The following VPS13B variants were observed in gnomAD, a reference collection of about 807,000 sequenced individuals.
VPS13B encodes vacuolar protein sorting 13 homolog B, also known as intermembrane lipid transfer protein VPS13B.
In VPS13B, 285 loss-of-function variants were observed where a neutral mutation model predicts 426.4. The ratio of observed to expected loss-of-function variants is 0.67; its 90% CI spans 0.61 to 0.74. VPS13B has a LOEUF of 0.74. Ranked by LOEUF, VPS13B falls within the 30% of genes least tolerant of loss-of-function variation. VPS13B has a pLI of 0.00. For missense variants in VPS13B, 4,537 were observed against 4,782.6 expected, an observed-to-expected ratio of 0.95 and a Z score of 1.51; for synonymous variants, 1,676 against 1,676.4, an observed-to-expected ratio of 1.00 and a Z score of 0.01.
chr8:99,689,640 G>T lies in VPS13B; in HGVS notation c.6047-9885G>T, dbSNP rs1057462373. ...TGAGGCCAACCTGGGCAACATAATG[G>T]GATCCAATCTATTGAAAAAAGAGAA... On this transcript the variant is annotated intron_variant, in intron 35 of 61. Transcript: ENST00000357162. 7.2e-5 allele frequency among the ~76,000 whole-genome samples: 11 copies of T among 152,262 alleles called. No individual in the cohort carries two copies. The South Asian group carries it at 2.3e-3, about 32-fold the overall frequency.
intron 36 of VPS13B, among the ~76,000 whole-genome samples, chr8:99,700,959 A>T (rs539026619): frequency 4.0e-4 from 61 of 152,308 alleles, no homozygotes; most frequent in African/African-American, 1.4e-3. Flanking sequence ...AAATCCTTAT[A>T]TGCAACTTAG....
chr8:99,748,215 C>A (rs1174670868), intron 39 of VPS13B, among the ~76,000 whole-genome samples: 1 of 151,964 alleles, frequency 6.6e-6, no homozygotes, highest in African/African-American at 2.4e-5. Flanking sequence ...ATTCTTTCTA[C>A]CTGATGATCC....
chr8:99,600,176 T>G (rs1018468222), intron 33 of VPS13B, among the ~76,000 whole-genome samples: 4 of 152,136 alleles, frequency 2.6e-5, no homozygotes, highest in South Asian at 2.1e-4. Context: ...TGTGAGACAG[T>G]AGTCTAAGTG....
intron 21 of VPS13B, among the ~76,000 whole-genome samples, chr8:99,404,258 A>G (rs1815209348): frequency 6.6e-6 from 1 of 152,206 alleles, no homozygotes; most frequent in Non-Finnish European, 1.5e-5. Context: ...AATAAGTGTA[A>G]GTTATTCTAG....
At chr8:99,692,771 G>C (rs200195184) in intron 35 of VPS13B, among the ~76,000 whole-genome samples, 2 of 147,350 alleles carry the variant, frequency 1.4e-5, no homozygotes, top group South Asian at 2.1e-4. Context: ...TTTTTTGAAA[G>C]GATCAACAAA....
intron 15 of VPS13B, among the ~76,000 whole-genome samples, chr8:99,163,651 C>G (rs976299821): frequency 6.6e-6 from 1 of 152,218 alleles, no homozygotes; most frequent in African/African-American, 2.4e-5. Context: ...GGTGCTAAGT[C>G]CCTCATTGCC....
intron 33 of VPS13B, among the ~76,000 whole-genome samples, chr8:99,580,422 G>T (rs1825993315): frequency 6.6e-6 from 1 of 150,826 alleles, no homozygotes; most frequent in African/African-American, 2.4e-5. Context: ...TGAACTCCTG[G>T]CCTCAAGGGA....
At chr8:99,756,157 ATAATGTT>A (rs1316334430) in intron 39 of VPS13B, among the ~76,000 whole-genome samples, 1 of 152,240 alleles carries the variant, frequency 6.6e-6, no homozygotes, top group Non-Finnish European at 1.5e-5. Context: ...GATTGAAACA[ATAATGTT>A]TAAAAACAAG....
At chr8:99,317,719 A>T (rs994209542) in intron 19 of VPS13B, among the ~76,000 whole-genome samples, 70 of 152,222 alleles carry the variant, frequency 4.6e-4, no homozygotes, top group African/African-American at 1.6e-3. Context: ...ATAATAATAA[A>T]AAAGGCCTAG....
At chr8:99,180,633 C>A (rs1335600682) in intron 16 of VPS13B, among the ~76,000 whole-genome samples, 2 of 152,018 alleles carry the variant, frequency 1.3e-5, no homozygotes, top group Non-Finnish European at 2.9e-5. Context: ...TCAATGGCAG[C>A]CATACAAAGA....
At chr8:99,751,915 G>A (rs929579359) in intron 39 of VPS13B, among the ~76,000 whole-genome samples, 1 of 152,210 alleles carries the variant, frequency 6.6e-6, no homozygotes, top group Non-Finnish European at 1.5e-5. Context: ...TGCACACACA[G>A]GGAGTTGTAT....
intron 5 of VPS13B, among the ~76,000 whole-genome samples, chr8:99,107,407 C>A (rs1847106069): frequency 6.6e-6 from 1 of 151,984 alleles, no homozygotes; most frequent in South Asian, 2.1e-4. Flanking sequence ...CAATTAACAC[C>A]AAATCAGATT....
chr8:99,817,238 A>G (rs1371531009), intron 44 of VPS13B, among the ~76,000 whole-genome samples: 1 of 151,674 alleles, frequency 6.6e-6, no homozygotes, highest in East Asian at 1.9e-4. Flanking sequence ...GCATGTTTGC[A>G]AGGCTCTTCT....
intron 54 of VPS13B, among the ~76,000 whole-genome samples, chr8:99,836,712 G>GGTTACAAACCATATATTAAA (rs1815410540): frequency 6.6e-6 from 1 of 152,118 alleles, no homozygotes; most frequent in Non-Finnish European, 1.5e-5. Flanking sequence ...CTACTGTAAT[G>GGTTACAAACCATATATTAAA]GTTACAAACC....
rs1211028912 is a variant in VPS13B, at chr8:99,014,110, C to CTTTTTTTTTTTTTTTTTTT, written c.147+182_147+200dup. On this transcript the variant is annotated intron_variant, in intron 2 of 61. Coordinates refer to ENST00000357162, the MANE Select transcript of VPS13B (RefSeq NM_152564.5). ...TACACTATTTTCTTTTTCTTTCTTT[C>CTTTTTTTTTTTTTTTTTTT]TTTTTTTTTTTTTTTTTTTTTTTTT... is the stretch of plus-strand genomic sequence containing the variant. Among the ~76,000 whole-genome samples, 58 of 72,308 alleles carry CTTTTTTTTTTTTTTTTTTT rather than the reference C, an allele frequency of 8.0e-4. 6 individuals are homozygous for CTTTTTTTTTTTTTTTTTTT. The highest frequency in any genetic ancestry group is 3.1e-3 in the East Asian group (6 of 1,920). The allele number at this position is 72,308 out of a possible 152,430, so 47.4% of individuals were successfully genotyped here.
chr8:99,256,600 A>G (rs780761679), intron 17 of VPS13B, among the ~76,000 whole-genome samples: 7 of 152,098 alleles, frequency 4.6e-5, no homozygotes, highest in South Asian at 2.1e-4. Context: ...ATGGGTATGA[A>G]GTAGTATCTC....
chr8:99,452,712 C>T (rs1474836031), intron 23 of VPS13B, among the ~76,000 whole-genome samples: 1 of 152,136 alleles, frequency 6.6e-6, no homozygotes, highest in African/African-American at 2.4e-5. Flanking sequence ...ACAAAAAGTT[C>T]TCTGTAGATT....
At chr8:99,698,509 C>A (rs1423044643) in intron 35 of VPS13B, among the ~76,000 whole-genome samples, 2 of 152,208 alleles carry the variant, frequency 1.3e-5, no homozygotes, top group East Asian at 3.8e-4. Flanking sequence ...ATAGATCTCT[C>A]TTCCTGCACA....
In VPS13B at chr8:99,341,888, C is replaced by A. The variant is rs552233293; in HGVS notation, c.2825-42320C>A. The A allele has an allele frequency of 3.0e-5, 5 of 165,788 alleles. No individual in the cohort carries two copies. In the South Asian group the frequency reaches 7.7e-4, roughly 26 times the overall value. 10.3% of individuals were successfully genotyped at this position (165,788 alleles called of 1,614,324 possible). ...TCCTCCACTAGCTGCAAGGCCAAAC[C>A]GCAGCCTGGCCTGGACAGCGCAGAC... On this transcript the variant is annotated intron_variant, in intron 19 of 61. Coordinates refer to ENST00000357162, the MANE Select transcript of VPS13B (RefSeq NM_152564.5).
Sources: allele counts gnomAD v4.1 joint callset (sites outside exome capture counted in the v4.1 genomes callset), GRCh38; gene constraint gnomAD v4.1.1; transcripts MANE v1.5; gene names NCBI Gene and HGNC (gene_info 2026-07-23, HGNC 2026-07-21).